Variants in TSC2 observed in about 807,000 individuals in gnomAD.
TSC2 encodes the protein TSC complex subunit 2, also known as tuberin.
In TSC2, 29 loss-of-function variants were observed where a neutral mutation model predicts 202.2. The observed-to-expected ratio is 0.14, with a 90% CI of 0.11 to 0.20. The LOEUF is 0.20. Ranked by LOEUF, TSC2 falls within the 10% of genes least tolerant of loss-of-function variation. The probability of loss-of-function intolerance (pLI) is 1.00; values close to 1 mark genes in which losing one functional copy is unlikely to be tolerated. For missense variants in TSC2, 2,429 were observed against 2,420.0 expected (o/e 1.00, Z -0.08); for synonymous variants, 1,349 against 1,044.0 (o/e 1.29, Z -5.63).
intron 11 of TSC2, 189 bp downstream of exon 11, chr16:2,061,002 G>A: frequency 8.0e-6 from 6 of 748,320 alleles, no homozygotes; most frequent in Non-Finnish European, 1.3e-5. Flanking sequence ...TTCCAGACGT[G>A]GTGCATCGTT....
At position 2,088,602 on chromosome 16, in the gene TSC2, T is replaced by C. The variant is rs1060500910; in HGVS notation, c.5416T>C (p.Phe1806Leu). The change falls in exon 42 of 42, where the codon TTT becomes CTT. Residue 1806 changes from phenylalanine to leucine, a missense_variant. Transcript: ENST00000219476. ...LISSVEDFTE[F>L]V Reference sequence around the variant, plus strand: ...CTCCTCGGTGGAGGACTTCACCGAGTTTGTGTGAGGCCGGGGCCCTCCCTC... The same window carrying C: ...CTCCTCGGTGGAGGACTTCACCGAGCTTGTGTGAGGCCGGGGCCCTCCCTC... 1.2e-5 allele frequency: 19 copies of C among 1,604,196 alleles called. No homozygotes were observed. The highest frequency in any genetic ancestry group is 1.5e-5 in the Non-Finnish European group (18 of 1,179,672).
In TSC2 at chr16:2,079,531, C is replaced by G. The variant is rs760928211; in HGVS notation, c.3285-26C>G. The G allele has an allele frequency of 6.2e-7, 1 of 1,606,242 alleles. No homozygotes were observed. The highest frequency in any genetic ancestry group is 1.1e-5 in the South Asian group (1 of 90,144). On this transcript the variant is annotated intron_variant, in intron 28 of 41. Transcript: ENST00000219476. This position sits in a 1 kb window ranked among gnomAD's most constrained non-coding sequence, Gnocchi z 4.6. ...CGTACCAGCCTGGGGACTAAGTCCACCCTGTGCGTGGGATTCTCTTCTCAG... is the reference window on the plus strand; with the variant it reads ...CGTACCAGCCTGGGGACTAAGTCCAGCCTGTGCGTGGGATTCTCTTCTCAG...
intron 14 of TSC2, 111 bp downstream of exon 14, chr16:2,063,164 C>G (rs1032765014): frequency 1.6e-6 from 2 of 1,284,338 alleles, no homozygotes; most frequent in Non-Finnish European, 2.2e-6. Flanking sequence ...GGACTTCGGT[C>G]CTGCCGGACC....
chr16:2,057,071 C>A, intron 8 of TSC2, 34 bp from the exon 9 acceptor site: 1 of 1,549,592 alleles, frequency 6.5e-7, no homozygotes, highest in South Asian at 1.2e-5. Flanking sequence ...AGGGCTTATG[C>A]CTGCCAGCCC....
intron 26 of TSC2, chr16:2,078,178 G>GGT (rs1335761035): frequency 3.3e-5 from 8 of 243,298 alleles, no homozygotes; most frequent in African/African-American, 1.8e-4. Flanking sequence ...GGAGGGCCTG[G>GGT]GTGGGGGCTA....
At chr16:2,076,791 G>A (rs777463696) in intron 25 of TSC2, 90 of 590,018 alleles carry the variant, frequency 1.5e-4, no homozygotes, top group Non-Finnish European at 2.3e-4. Context: ...TCCGGGCTGC[G>A]TGTGCCACGG....
rs1199448405 is a variant in TSC2 at position 2,079,984 on chromosome 16, C to T, written c.3398-181C>T. ...CTGCAGGACAGGTTCTGGGTCCCTC[C>T]CTGTGGCCCTGGGTTCACTGAGGCC... On this transcript the variant is annotated intron_variant, in intron 29 of 41. Coordinates refer to ENST00000219476, the MANE Select transcript of TSC2 (RefSeq NM_000548.5). The surrounding 1 kb of genome is among the most constrained non-coding windows in gnomAD (Gnocchi z 4.6). 6.6e-6 allele frequency among the ~76,000 whole-genome samples: 1 copy of T among 152,212 alleles called. No individual in the cohort carries two copies. The highest frequency in any genetic ancestry group is 2.4e-5 in the African/African-American group (1 of 41,462).
intron 1 of TSC2, 89 bp downstream of exon 1, chr16:2,048,154 C>T: frequency 1.3e-6 from 2 of 1,534,634 alleles, no homozygotes; most frequent in Non-Finnish European, 1.8e-6. Context: ...GTCCCGGGCC[C>T]TCACCCGCGC....
chr16:2,059,904 A>G (rs2086419708), intron 10 of TSC2, among the ~76,000 whole-genome samples: 1 of 152,050 alleles, frequency 6.6e-6, no homozygotes. Context: ...CAGGTGATCC[A>G]CCCGCCTTGG....
intron 11 of TSC2, chr16:2,061,596 C>G (rs2086641613): frequency 3.8e-6 from 2 of 520,938 alleles, no homozygotes; most frequent in Non-Finnish European, 7.0e-6. Context: ...GCAGGAACAG[C>G]AGCTGCCATC....
chr16:2,086,078 C>T, intron 36 of TSC2, 115 bp from the exon 37 acceptor site: 1 of 1,241,128 alleles, frequency 8.1e-7, no homozygotes. Flanking sequence ...ATGGTCTTGT[C>T]TGCCTCAGGG....
At chr16:2,059,307 C>T (rs530512278) in intron 10 of TSC2, among the ~76,000 whole-genome samples, 57 of 151,304 alleles carry the variant, frequency 3.8e-4, no homozygotes, top group African/African-American at 1.2e-3. Context: ...CGTGAGCCAC[C>T]ATGCCTGGCC....
chr16:2,049,109 T>C, intron 2 of TSC2, among the ~76,000 whole-genome samples: 1 of 152,014 alleles, frequency 6.6e-6, no homozygotes, highest in Non-Finnish European at 1.5e-5. Context: ...TTTTTGAGAC[T>C]GAGTCTTGCT....
chr16:2,054,039 C>A lies in TSC2; in HGVS notation c.337-257C>A, dbSNP rs546875577. 9.8e-5 allele frequency: 55 copies of A among 563,096 alleles called. No homozygotes were observed. In the East Asian group the frequency reaches 1.6e-3, roughly 16 times the overall value. 34.9% of individuals were successfully genotyped at this position (563,096 alleles called of 1,614,324 possible). ...GGTCGGGCAGGAGCTGTGTCATCCC[C>A]TGCTCTGCGCCACCCGCTGTGCCAG... On this transcript the variant is annotated intron_variant, in intron 4 of 41. Transcript: ENST00000219476.
Position 2,060,825 on chromosome 16 carries a change from G to T in TSC2, c.1119+12G>T. On this transcript the variant is annotated intron_variant, in intron 11 of 41. Transcript: ENST00000219476. Reference sequence around the variant, plus strand: ...TTCAGCAGCTCCAGGTGGGGTGGGGGCAGGAGCTCCGGGGAGCACCGGGAA... The same window carrying T: ...TTCAGCAGCTCCAGGTGGGGTGGGGTCAGGAGCTCCGGGGAGCACCGGGAA... The T allele has an allele frequency of 6.2e-7, 1 of 1,612,828 alleles. No individual in the cohort carries two copies. Among genetic ancestry groups the T allele is most frequent in the South Asian group, 1.1e-5 (1 of 91,058 alleles).
chr16:2,072,925 T>C lies in TSC2; in HGVS notation c.2297T>C (p.Val766Ala), dbSNP rs780682938. ...GFSRTDLHLA[V>A]VPVLTALISY... ...TCCAGAACTGACTTGCACCTGGCCG[T>C]GGTTCCAGTGCTGACAGCATTAATC... The change falls in exon 21 of 42, where the codon GTG becomes GCG. Residue 766 changes from valine to alanine, a missense_variant. Transcript: ENST00000219476. 8.1e-6 allele frequency: 13 copies of C among 1,613,506 alleles called. No individual in the cohort carries two copies. Among genetic ancestry groups the C allele is most frequent in the Non-Finnish European group, 1.0e-5 (12 of 1,180,044 alleles).
intron 9 of TSC2, among the ~76,000 whole-genome samples, chr16:2,057,621 G>A (rs1244761735): frequency 3.9e-5 from 6 of 152,186 alleles, no homozygotes; most frequent in East Asian, 1.9e-4. Flanking sequence ...GTATCCATCC[G>A]CGCCTCCTGA....
intron 19 of TSC2, 123 bp from the exon 20 acceptor site, chr16:2,072,118 G>T: frequency 6.4e-7 from 1 of 1,567,896 alleles, no homozygotes; most frequent in Non-Finnish European, 8.6e-7. Flanking sequence ...GGCTCCCCCG[G>T]CTGAGAACAG....
At chr16:2,048,558 A>C (rs762342559) in intron 1 of TSC2, 29 bp from the exon 2 acceptor site, 1 of 1,612,906 alleles carries the variant, frequency 6.2e-7, no homozygotes, top group African/African-American at 1.3e-5. Context: ...TGTTGCTCAG[A>C]TGTCCCCATT....
Sources: gnomAD v4.1 joint callset for allele counts (sites outside exome capture counted in the v4.1 genomes callset) on GRCh38, gnomAD v4.1.1 for gene constraint, Gnocchi (gnomAD v3.1) non-coding constraint, MANE v1.5 for transcripts, NCBI Gene and HGNC (gene_info 2026-07-23, HGNC 2026-07-21) for gene names.